The following MYH14 variants were observed in gnomAD, a reference collection of about 807,000 sequenced individuals.
MYH14 encodes the protein myosin heavy chain 14, also known as myosin-14.
Under a neutral mutation model 255.5 loss-of-function variants are expected in MYH14, and 123 were observed. The observed-to-expected ratio is 0.48, with a 90% CI of 0.42 to 0.56. MYH14 has a LOEUF of 0.56. Among genes scored for constraint, MYH14 ranks in the 20% least tolerant of loss-of-function variants. The pLI, the probability that MYH14 is intolerant of heterozygous loss-of-function variation, is 0.00. For missense variants in MYH14, 2,423 were observed against 2,802.3 expected (o/e 0.86, Z 3.06); for synonymous variants, 1,095 against 1,161.2 (o/e 0.94, Z 1.16).
chr19:50,257,932 G>C (rs386168), intron 18 of MYH14, among the ~76,000 whole-genome samples: 84,545 of 151,918 alleles, frequency 0.56, 23,978 homozygotes, highest in East Asian at 0.69. Flanking sequence ...AGGCAGAGAA[G>C]AGTTTGTACA....
In MYH14 at chr19:50,276,900, G is replaced by GGGT; in HGVS notation, c.3825+2_3825+4dup. Reference sequence around the variant, plus strand: ...GCGGAGCAGCTGGAGCAGGCCCGGAGGGTGGGTTGGGGCAGGGGGACAGGG... The same window carrying GGGT: ...GCGGAGCAGCTGGAGCAGGCCCGGAGGGTGGTGGGTTGGGGCAGGGGGACAGGG... On this transcript the variant is annotated inframe_insertion and splice_region_variant, in exon 29 of 43. Coordinates refer to ENST00000642316, the MANE Select transcript of MYH14 (RefSeq NM_001145809.2). The surrounding 1 kb of genome is among the most constrained non-coding windows in gnomAD (Gnocchi z 4.3). 1.2e-6 allele frequency: 2 copies of GGGT among 1,607,252 alleles called. No individual in the cohort carries two copies. Among genetic ancestry groups the GGGT allele is most frequent in the South Asian group, 2.2e-5 (2 of 90,554 alleles).
rs563549927 is a variant in MYH14, at chr19:50,230,907, G to A, written c.973+284G>A. ...GTGGCTCCTGCTCACGCTCGCTTCC[G>A]AAGCTCCGTGGCTTCTCTCTCGCGC... On this transcript the variant is annotated intron_variant, in intron 9 of 42. Coordinates refer to ENST00000642316, the MANE Select transcript of MYH14 (RefSeq NM_001145809.2). This position sits in a 1 kb window ranked among gnomAD's most constrained non-coding sequence, Gnocchi z 4.7. 185 of 438,886 alleles carry A rather than the reference G, an allele frequency of 4.2e-4. 2 individuals carry two copies. In the South Asian group the frequency reaches 4.6e-3, roughly 11 times the overall value. The allele number at this position is 438,886 out of a possible 1,614,324, so 27.2% of individuals were successfully genotyped here.
rs34805056 is a variant in MYH14 at position 50,263,406 on chromosome 19, C to T, written c.2680C>T (p.Arg894Trp). The change falls in exon 22 of 43, where the codon CGG becomes TGG. Residue 894 changes from arginine (R) to tryptophan (W), a missense_variant. Physicochemically the swap from Arg to Trp is moderately radical, Grantham distance 101. Transcript: ENST00000642316. ...YLKLRHWQWWRLFTKVKPLLQ... is the reference protein window; with the variant it reads ...YLKLRHWQWWWLFTKVKPLLQ... ...CAAGCTGAGACACTGGCAGTGGTGG[C>T]GGCTGTTTACCAAGGTGAGGGCAGC... 2.5e-6 allele frequency: 4 copies of T among 1,600,596 alleles called. No homozygotes were observed. Among genetic ancestry groups the T allele is most frequent in the Middle Eastern group, 1.7e-4 (1 of 5,984 alleles).
chr19:50,224,141 G>C lies in MYH14; in HGVS notation c.694-13G>C, dbSNP rs755612727. 1.9e-6 allele frequency: 3 copies of C among 1,605,908 alleles called. No homozygotes were observed. The Admixed American group carries it at 5.0e-5, about 27-fold the overall frequency. On this transcript the variant is annotated splice_polypyrimidine_tract_variant and intron_variant, in intron 5 of 42. Coordinates refer to ENST00000642316, the MANE Select transcript of MYH14 (RefSeq NM_001145809.2). The stretch of plus-strand genomic sequence containing the variant: ...TGTCCTGGTCCGTGTCTCGTGTCCC[G>C]TGACTTCCTCAGGCCTCCGTCAGCA...
At chr19:50,303,627 G>GTA (rs68144508) in intron 40 of MYH14, among the ~76,000 whole-genome samples, 18,343 of 152,176 alleles carry the variant, frequency 0.12, 1,385 homozygotes, top group African/African-American at 0.21. Flanking sequence ...ACCATCTGTT[G>GTA]TATCAGTCTA....
chr19:50,295,347 AACAAAAAAAAC>A (rs1176790897), intron 39 of MYH14, among the ~76,000 whole-genome samples: 1 of 151,234 alleles, frequency 6.6e-6, no homozygotes, highest in African/African-American at 2.4e-5. Context: ...AAAAAAACAA[AACAAAAAAAAC>A]AGGCCAGGTA....
At position 50,280,092 on chromosome 19, in the gene MYH14, G is replaced by T. The variant is rs727504915; in HGVS notation, c.4088G>T (p.Arg1363Leu). Reference protein sequence around the residue: ...ALNEAESKTIRLSKELSSTEA... With the variant: ...ALNEAESKTILLSKELSSTEA... The stretch of plus-strand genomic sequence containing the variant: ...AACGAGGCTGAGTCCAAAACCATCC[G>T]TCTTAGCAAGGAGCTGAGCAGCACA... The change falls in exon 31 of 43, where the codon CGT (arginine) becomes CTT (leucine). Residue 1363 changes from arginine (R) to leucine (L), a missense_variant. This residue lies in a region of MYH14 where 1,513 missense variants were observed against 1,674.8 expected (regional missense o/e 0.90). Transcript: ENST00000642316. The surrounding 1 kb of genome is among the most constrained non-coding windows in gnomAD (Gnocchi z 4.8). 4 of 1,610,538 alleles carry T rather than the reference G, an allele frequency of 2.5e-6. No homozygotes were observed. The highest frequency in any genetic ancestry group is 3.4e-6 in the Non-Finnish European group (4 of 1,178,552).
Position 50,259,213 on chromosome 19 carries a change from A to G in MYH14, c.2302A>G (p.Ile768Val). ...RCNGVLEGIR[I>V]CRQGFPNRIL... ...CAACGGGGTCCTGGAGGGCATCCGCATCTGTCGCCAGGGCTTCCCCAACCG... is the reference window on the plus strand; with the variant it reads ...CAACGGGGTCCTGGAGGGCATCCGCGTCTGTCGCCAGGGCTTCCCCAACCG... The change falls in exon 19 of 43, where the codon ATC (isoleucine) becomes GTC (valine). Residue 768 changes from isoleucine (I) to valine (V), a missense_variant. Ile to Val is a conservative substitution (Grantham distance 29). Coordinates refer to ENST00000642316, the MANE Select transcript of MYH14 (RefSeq NM_001145809.2). 10 of 1,586,956 alleles carry G rather than the reference A, an allele frequency of 6.3e-6. No homozygotes were observed. Among genetic ancestry groups the G allele is most frequent in the South Asian group, 1.1e-5 (1 of 87,270 alleles).
intron 40 of MYH14, among the ~76,000 whole-genome samples, chr19:50,302,910 A>G (rs1385668580): frequency 6.6e-5 from 10 of 152,040 alleles, no homozygotes; most frequent in African/African-American, 2.4e-4. Flanking sequence ...TCAAAAAGAA[A>G]AAAAAAGAAA....
At chr19:50,223,523 C>T (rs1206079532) in intron 5 of MYH14, among the ~76,000 whole-genome samples, 174 bp downstream of exon 5, 1 of 152,176 alleles carries the variant, frequency 6.6e-6, no homozygotes, top group African/African-American at 2.4e-5. Flanking sequence ...GTCAGGGGGA[C>T]ACAGAGGTGT....
Position 50,276,253 on chromosome 19 carries a change from G to T in MYH14, c.3680+50G>T, listed in dbSNP as rs1247345034. ...TCACAGCCTGTGCACATACAGGGCT[G>T]GGGGAAGGACTTAGGTACAAAGTCT... On this transcript the variant is annotated intron_variant, in intron 28 of 42. Transcript: ENST00000642316. This position sits in a 1 kb window ranked among gnomAD's most constrained non-coding sequence, Gnocchi z 4.3. 1.5e-6 allele frequency: 2 copies of T among 1,339,228 alleles called. No individual in the cohort carries two copies. The highest frequency in any genetic ancestry group is 2.5e-5 in the East Asian group (1 of 39,768). The allele number at this position is 1,339,228 out of a possible 1,614,324, so 83.0% of individuals were successfully genotyped here.
chr19:50,226,538 A>C (rs1336605632), intron 7 of MYH14, among the ~76,000 whole-genome samples: 5 of 130,138 alleles, frequency 3.8e-5, no homozygotes, highest in Non-Finnish European at 6.5e-5. Flanking sequence ...CTGGGGGCCC[A>C]GATCCCTGGG....
At chr19:50,295,912 AC>A in intron 39 of MYH14, among the ~76,000 whole-genome samples, 1 of 152,148 alleles carries the variant, frequency 6.6e-6, no homozygotes, top group African/African-American at 2.4e-5. Context: ...GGAGTTCAAG[AC>A]CAGCCTGGCC....
intron 30 of MYH14, among the ~76,000 whole-genome samples, chr19:50,278,812 T>TAA (rs10605117): frequency 1.3e-4 from 17 of 131,988 alleles, no homozygotes; most frequent in Non-Finnish European, 2.4e-4. Context: ...CTGTCTCTAC[T>TAA]AAAAAAAAAA....
At position 50,294,110 on chromosome 19, in the gene MYH14, C is replaced by A. The variant is rs148781099; in HGVS notation, c.5469+423C>A. 2.6e-3 allele frequency among the ~76,000 whole-genome samples: 396 copies of A among 152,228 alleles called. 3 individuals carry two copies. The highest frequency in any genetic ancestry group is 9.1e-3 in the African/African-American group (378 of 41,530). ...AATATTTTCTGAGGATTCCGGTGGC[C>A]CAGATCCTATTCCGGGTTATGCTGG... On this transcript the variant is annotated intron_variant, in intron 39 of 42. Coordinates refer to ENST00000642316, the MANE Select transcript of MYH14 (RefSeq NM_001145809.2).
rs1157964391 is a variant in MYH14, at chr19:50,230,564, A to G, written c.914A>G (p.Asp305Gly). 6.4e-7 allele frequency: 1 copy of G among 1,571,938 alleles called. No homozygotes were observed. Among genetic ancestry groups the G allele is most frequent in the Admixed American group, 1.9e-5 (1 of 53,428 alleles). ...EKSRAIRQAK[D>G]ECSFHIFYQL... ...TCGCGGGCCATCCGCCAGGCCAAGG[A>G]CGAGTGCAGCTTCCACATCTTCTAC... is the stretch of plus-strand genomic sequence containing the variant. Residue 305 changes from aspartate (D) to glycine (G), a missense_variant, in exon 9 of 43, where the codon GAC becomes GGC. Around this residue, in one of 3 missense-constraint regions of MYH14, gnomAD observed 672 missense variants for 881.8 expected, o/e 0.76. Transcript: ENST00000642316. The surrounding 1 kb of genome is among the most constrained non-coding windows in gnomAD (Gnocchi z 4.7).
chr19:50,217,720 C>A lies in MYH14; in HGVS notation c.511C>A (p.Pro171Thr), dbSNP rs1469856275. Residue 171 changes from proline (P) to threonine (T), a missense_variant, in exon 3 of 43, where the codon CCA becomes ACA. Coordinates refer to ENST00000642316, the MANE Select transcript of MYH14 (RefSeq NM_001145809.2). ...MYRGKKRHEV[P>T]PHVYAVTEGA... ...CCGGGGCAAGAAGCGCCACGAGGTG[C>A]CACCCCACGTGTACGCAGTGACCGA... 1 of 1,613,852 alleles carries A rather than the reference C, an allele frequency of 6.2e-7. No homozygotes were observed. Among genetic ancestry groups the A allele is most frequent in the African/African-American group, 1.3e-5 (1 of 74,938 alleles).
intron 10 of MYH14, among the ~76,000 whole-genome samples, chr19:50,233,711 C>T (rs1181742270): frequency 2.0e-5 from 3 of 152,036 alleles, no homozygotes; most frequent in Non-Finnish European, 4.4e-5. Context: ...CAATCTTCGG[C>T]GTTCCCTGGC....
intron 23 of MYH14, among the ~76,000 whole-genome samples, chr19:50,267,909 G>A (rs2035149047): frequency 6.6e-6 from 1 of 152,022 alleles, no homozygotes; most frequent in Non-Finnish European, 1.5e-5. Flanking sequence ...AGAGAGAGCA[G>A]GGGTGCAGAC....
Sources: gnomAD v4.1 joint callset for allele counts (sites outside exome capture counted in the v4.1 genomes callset) on GRCh38, gnomAD v4.1.1 for gene constraint, gnomAD v4.1.1 regional missense constraint, Gnocchi (gnomAD v3.1) non-coding constraint, MANE v1.5 for transcripts, NCBI Gene and HGNC (gene_info 2026-07-23, HGNC 2026-07-21) for gene names.